RPTOR: variants seen among roughly 807,000 people sequenced by gnomAD.
RPTOR encodes the protein regulatory associated protein of MTOR complex 1.
In RPTOR, 21 loss-of-function variants were observed where a neutral mutation model predicts 169.9. That is an observed-to-expected ratio of 0.12 (90% CI 0.09 to 0.18). The LOEUF (loss-of-function observed/expected upper bound fraction) is 0.18, where lower values mean the gene tolerates loss of function less well. Ranked by LOEUF, RPTOR falls within the 10% of genes least tolerant of loss-of-function variation. The pLI is 1.00. For synonymous variants in RPTOR, 732 were observed against 753.2 expected (o/e 0.97, Z 0.46); for missense variants, 1,133 against 1,855.9 (o/e 0.61, Z 7.16).
intron 4 of RPTOR, among the ~76,000 whole-genome samples, chr17:80,712,610 A>C (rs960835275): frequency 2.4e-4 from 36 of 152,226 alleles, no homozygotes; most frequent in African/African-American, 7.5e-4. Context: ...TCTGACAATT[A>C]GGAATAAAGC....
intron 3 of RPTOR, among the ~76,000 whole-genome samples, chr17:80,700,711 G>GAT (rs1567864612): frequency 4.1e-5 from 5 of 120,704 alleles, no homozygotes; most frequent in Admixed American, 8.3e-5. Flanking sequence ...TGGTGGTGAT[G>GAT]GTGGTGGTGG....
chr17:80,943,573 C>T (rs371613624), intron 25 of RPTOR, among the ~76,000 whole-genome samples: 1 of 152,222 alleles, frequency 6.6e-6, no homozygotes, highest in Non-Finnish European at 1.5e-5. Flanking sequence ...GTGGCTCCCC[C>T]CGTTGTCCCA....
At chr17:80,570,011 G>T (rs1301802605) in intron 1 of RPTOR, among the ~76,000 whole-genome samples, 1 of 152,100 alleles carries the variant, frequency 6.6e-6, no homozygotes, top group Non-Finnish European at 1.5e-5. Flanking sequence ...GACTCAAGGA[G>T]CCCAGCTCCG....
At chr17:80,859,422 C>G (rs1028320469) in intron 13 of RPTOR, among the ~76,000 whole-genome samples, 1 of 152,182 alleles carries the variant, frequency 6.6e-6, no homozygotes, top group Non-Finnish European at 1.5e-5. Flanking sequence ...TTGTTGGGGA[C>G]AAAGATTTCC....
At chr17:80,930,128 A>T (rs1598407460) in intron 24 of RPTOR, among the ~76,000 whole-genome samples, 1 of 96,196 alleles carries the variant, frequency 1.0e-5, no homozygotes, top group African/African-American at 3.9e-5. Context: ...ACTCATCCCC[A>T]GCTGCTCCTC....
In RPTOR at chr17:80,726,086, G is replaced by A. The variant is rs1260201137; in HGVS notation, c.508-4474G>A. On this transcript the variant is annotated intron_variant, in intron 4 of 33. Transcript: ENST00000306801. This position sits in a 1 kb window ranked among gnomAD's most constrained non-coding sequence, Gnocchi z 4.5. ...CCCGGCCCCAAATGGCCCTGGTGCTGAGAGGGACAGACGCCGCTCACAGAG... is the reference window on the plus strand; with the variant it reads ...CCCGGCCCCAAATGGCCCTGGTGCTAAGAGGGACAGACGCCGCTCACAGAG... Among the ~76,000 whole-genome samples, 1 of 152,198 alleles carries A rather than the reference G, an allele frequency of 6.6e-6. No homozygotes were observed. The highest frequency in any genetic ancestry group is 6.5e-5 in the Admixed American group (1 of 15,284).
intron 25 of RPTOR, 115 bp downstream of exon 25, chr17:80,940,716 T>C: frequency 1.2e-6 from 1 of 821,374 alleles, no homozygotes; most frequent in Non-Finnish European, 1.9e-6. Flanking sequence ...AGCCATCCAC[T>C]GTCCCACGAC....
chr17:80,689,837 T>TGATA (rs1190598623), intron 3 of RPTOR, among the ~76,000 whole-genome samples: 3 of 152,232 alleles, frequency 2.0e-5, no homozygotes, highest in Non-Finnish European at 4.4e-5. Context: ...TTTCTAGGTA[T>TGATA]GATAATCTTT....
chr17:80,668,579 C>G (rs959250738), intron 3 of RPTOR, among the ~76,000 whole-genome samples: 1 of 152,206 alleles, frequency 6.6e-6, no homozygotes, highest in Non-Finnish European at 1.5e-5. Flanking sequence ...AGATGACACC[C>G]CCGTCTCCCA....
chr17:80,667,193 A>G (rs1356443451), intron 3 of RPTOR, among the ~76,000 whole-genome samples: 2 of 152,208 alleles, frequency 1.3e-5, no homozygotes, highest in Admixed American at 6.5e-5. Context: ...CCAGGGAGGC[A>G]GGGAAGTAAG....
chr17:80,710,437 G>T (rs879404679), intron 4 of RPTOR, among the ~76,000 whole-genome samples: 1 of 152,114 alleles, frequency 6.6e-6, no homozygotes, highest in Non-Finnish European at 1.5e-5. Context: ...TCTGTGTTCA[G>T]TGTATGATGT....
chr17:80,667,464 A>G (rs2065789504), intron 3 of RPTOR, among the ~76,000 whole-genome samples: 1 of 152,202 alleles, frequency 6.6e-6, no homozygotes, highest in Non-Finnish European at 1.5e-5. Context: ...TGACAAGTGC[A>G]TCGTGAGGTG....
chr17:80,920,847 T>G (rs2068736727), intron 21 of RPTOR, among the ~76,000 whole-genome samples: 1 of 152,260 alleles, frequency 6.6e-6, no homozygotes, highest in Non-Finnish European at 1.5e-5. Flanking sequence ...AGTCGAAAAC[T>G]TGCTTTTCTC....
chr17:80,657,904 C>T (rs1187830148), intron 3 of RPTOR, among the ~76,000 whole-genome samples: 1 of 152,094 alleles, frequency 6.6e-6, no homozygotes. Context: ...TTGCATTAAG[C>T]AGTTTAAAAA....
In RPTOR at chr17:80,730,714, C is replaced by T. The variant is rs1429787145; in HGVS notation, c.654+8C>T. On this transcript the variant is annotated splice_region_variant and intron_variant, in intron 5 of 33. Coordinates refer to ENST00000306801, the MANE Select transcript of RPTOR (RefSeq NM_020761.3). This position sits in a 1 kb window ranked among gnomAD's most constrained non-coding sequence, Gnocchi z 4.2. ...CGGGAGCAGGAGCTGGAGGTGAGCG[C>T]TCTGGTGCTTGGAGAGCGGTGCTGG... is the stretch of plus-strand genomic sequence containing the variant. 23 of 1,387,232 alleles carry T rather than the reference C, an allele frequency of 1.7e-5. No individual in the cohort carries two copies. The highest frequency in any genetic ancestry group is 2.0e-5 in the Non-Finnish European group (21 of 1,037,614). 85.9% of individuals were successfully genotyped at this position (1,387,232 alleles called of 1,614,324 possible).
At chr17:80,580,418 G>A (rs1050897886) in intron 1 of RPTOR, among the ~76,000 whole-genome samples, 3 of 152,128 alleles carry the variant, frequency 2.0e-5, no homozygotes, top group Non-Finnish European at 2.9e-5. Context: ...TTCCTGGCTC[G>A]GCTGCCAGCC....
In RPTOR at chr17:80,841,241, GGCAGCTCACTCTCACCGCACC is replaced by G. The variant is rs1567943026; in HGVS notation, c.1212+3265_1212+3285del. Among the ~76,000 whole-genome samples, 13 of 3,308 alleles carry G rather than the reference GGCAGCTCACTCTCACCGCACC, an allele frequency of 3.9e-3. 1 individual carries two copies. The highest frequency in any genetic ancestry group is 6.5e-3 in the Non-Finnish European group (12 of 1,838). 2.2% of individuals were successfully genotyped at this position (3,308 alleles called of 152,430 possible). On this transcript the variant is annotated intron_variant, in intron 10 of 33. Coordinates refer to ENST00000306801, the MANE Select transcript of RPTOR (RefSeq NM_020761.3). ...GCACGGCAGCTCACTCTCACCGCAC[GGCAGCTCACTCTCACCGCACC>G]GCAGCTCACTCTCACCGCACGGCAG...
intron 6 of RPTOR, among the ~76,000 whole-genome samples, chr17:80,782,151 G>A (rs564525514): frequency 6.6e-6 from 1 of 152,346 alleles, no homozygotes; most frequent in Admixed American, 6.5e-5. Context: ...TAAGTGCTGA[G>A]CCCTCCTGTC....
intron 1 of RPTOR, among the ~76,000 whole-genome samples, chr17:80,566,403 G>T (rs7222130): frequency 0.64 from 96,693 of 152,062 alleles, 31,239 homozygotes; most frequent in Middle Eastern, 0.72. Context: ...TTTATGGTAT[G>T]AACCTATTTG....
Sources: gnomAD v4.1 joint callset for allele counts (sites outside exome capture counted in the v4.1 genomes callset) on GRCh38, gnomAD v4.1.1 for gene constraint, Gnocchi (gnomAD v3.1) non-coding constraint, MANE v1.5 for transcripts, NCBI Gene and HGNC (gene_info 2026-07-23, HGNC 2026-07-21) for gene names.